Variants in RPA3 observed in about 807,000 individuals in gnomAD.
RPA3 encodes the protein replication protein A 14 kDa subunit.
In RPA3, 24 loss-of-function variants were observed where a neutral mutation model predicts 13.7. The ratio of observed to expected loss-of-function variants is 1.75; its 90% CI spans 1.27 to 2.46. The LOEUF (loss-of-function observed/expected upper bound fraction) is 2.46. Ranked by LOEUF, RPA3 falls within the 30% of genes most tolerant of loss-of-function variation. The probability of loss-of-function intolerance (pLI) is 0.00; values close to 1 mark genes in which losing one functional copy is unlikely to be tolerated. For synonymous variants in RPA3, 59 were observed against 51.2 expected (o/e 1.15, Z -0.65); for missense variants, 183 against 151.0 (o/e 1.21, Z -1.11).
chr7:7,659,467 C>G (rs1256696378), intron 4 of RPA3, among the ~76,000 whole-genome samples: 1 of 152,190 alleles, frequency 6.6e-6, no homozygotes, highest in Non-Finnish European at 1.5e-5. Context: ...CCTCTAAACA[C>G]TGCTTTAGAT....
At chr7:7,654,920 T>C (rs886608920) in intron 4 of RPA3, among the ~76,000 whole-genome samples, 3 of 151,076 alleles carry the variant, frequency 2.0e-5, no homozygotes, top group African/African-American at 7.3e-5. Flanking sequence ...AAAAAAAAAT[T>C]TGTGATATTT....
intron 2 of RPA3, among the ~76,000 whole-genome samples, chr7:7,688,505 C>T (rs953841787): frequency 2.0e-5 from 3 of 152,158 alleles, no homozygotes; most frequent in African/African-American, 7.2e-5. Context: ...TTTCCTCATG[C>T]AGAGTGCCCA....
chr7:7,677,282 A>T (rs1779764750), intron 4 of RPA3, among the ~76,000 whole-genome samples: 1 of 152,144 alleles, frequency 6.6e-6, no homozygotes, highest in Non-Finnish European at 1.5e-5. Flanking sequence ...TTATTTAAAA[A>T]TATACAATAA....
chr7:7,714,145 T>C (rs1425873282), intron 2 of RPA3, among the ~76,000 whole-genome samples: 3 of 152,276 alleles, frequency 2.0e-5, no homozygotes, highest in Non-Finnish European at 2.9e-5. Context: ...GTACAAATGA[T>C]AGAAATTCCT....
At chr7:7,705,663 G>A (rs947074022) in intron 2 of RPA3, among the ~76,000 whole-genome samples, 2 of 152,154 alleles carry the variant, frequency 1.3e-5, no homozygotes, top group African/African-American at 4.8e-5. Context: ...AGAACTGAAT[G>A]TTTTTAGGAT....
intron 4 of RPA3, among the ~76,000 whole-genome samples, chr7:7,665,553 T>C (rs1779422302): frequency 6.6e-6 from 1 of 152,230 alleles, no homozygotes; most frequent in Non-Finnish European, 1.5e-5. Context: ...CAGTAACACA[T>C]TGAAAATATA....
chr7:7,701,809 G>T (rs146129693), intron 2 of RPA3, among the ~76,000 whole-genome samples: 195 of 152,242 alleles, frequency 1.3e-3, no homozygotes, highest in African/African-American at 4.3e-3. Context: ...ATTTACCCAT[G>T]TCTCGGATGA....
Position 7,687,317 on chromosome 7 carries a change from CTG to C in RPA3, c.-1018_-1017del, listed in dbSNP as rs1350419542. On this transcript the variant is annotated 5_prime_UTR_variant, in exon 3 of 8. It introduces an in-frame stop codon into an upstream open reading frame of the 5' UTR. Coordinates refer to ENST00000223129, the MANE Select transcript of RPA3 (RefSeq NM_002947.5). Reference sequence around the variant, plus strand: ...TTGCAGGAGATGAAGCAAAAGGAAACTGTACACAGATCTGCACTGACAAAAGG... The same window carrying C: ...TTGCAGGAGATGAAGCAAAAGGAAACTACACAGATCTGCACTGACAAAAGG... 3 of 152,164 alleles carry C rather than the reference CTG, an allele frequency of 2.0e-5. No homozygotes were observed. Among genetic ancestry groups the C allele is most frequent in the Admixed American group, 1.3e-4 (2 of 15,292 alleles). 9.4% of individuals were successfully genotyped at this position (152,164 alleles called of 1,614,324 possible).
intron 4 of RPA3, among the ~76,000 whole-genome samples, chr7:7,672,017 T>C (rs1263217146): frequency 4.6e-5 from 7 of 152,200 alleles, no homozygotes. Flanking sequence ...TTGGGGTTCA[T>C]ATCCTTCTCT....
intron 4 of RPA3, among the ~76,000 whole-genome samples, chr7:7,683,908 C>A (rs1445178058): frequency 2.0e-5 from 3 of 152,202 alleles, no homozygotes; most frequent in Non-Finnish European, 2.9e-5. Context: ...TAGGCGTGAG[C>A]CACTGCTTCC....
At chr7:7,643,728 AACAAACGAAAAAAAAAG>A (rs1303682213) in intron 4 of RPA3, among the ~76,000 whole-genome samples, 3 of 5,516 alleles carry the variant, frequency 5.4e-4, no homozygotes, top group South Asian at 6.0e-3. Context: ...AAAAAAAACA[AACAAACGAAAAAAAAAG>A]GATCAACGGT....
chr7:7,661,820 C>T (rs1313634808), intron 4 of RPA3, among the ~76,000 whole-genome samples: 1 of 152,148 alleles, frequency 6.6e-6, no homozygotes, highest in Admixed American at 6.5e-5. Context: ...TGACCCTTAG[C>T]AGAGTTTGAA....
At chr7:7,673,488 A>C (rs976708491) in intron 4 of RPA3, 15 of 702,620 alleles carry the variant, frequency 2.1e-5, no homozygotes, top group African/African-American at 3.5e-5. Context: ...AATTAGATGA[A>C]TTATGTTCTC....
At chr7:7,711,102 A>G (rs1429577996) in intron 2 of RPA3, among the ~76,000 whole-genome samples, 2 of 152,196 alleles carry the variant, frequency 1.3e-5, no homozygotes, top group Non-Finnish European at 1.5e-5. Flanking sequence ...TCTGGTGGTT[A>G]TGGAGATGTT....
intron 4 of RPA3, among the ~76,000 whole-genome samples, chr7:7,680,574 A>G (rs1327459911): frequency 1.3e-5 from 2 of 152,102 alleles, no homozygotes; most frequent in African/African-American, 4.8e-5. Flanking sequence ...ATTTCTGTGA[A>G]GAATGTCTTT....
chr7:7,650,545 G>C (rs1785201383), intron 4 of RPA3, among the ~76,000 whole-genome samples: 1 of 152,164 alleles, frequency 6.6e-6, no homozygotes, highest in South Asian at 2.1e-4. Flanking sequence ...GGTAGTGATG[G>C]CTGCAGGACA....
intron 2 of RPA3, among the ~76,000 whole-genome samples, chr7:7,709,781 G>GTT (rs563873791): frequency 6.7e-6 from 1 of 148,532 alleles, no homozygotes; most frequent in African/African-American, 2.5e-5. Context: ...ACCTTTTAAA[G>GTT]TTTTTTTTTT....
intron 4 of RPA3, among the ~76,000 whole-genome samples, chr7:7,666,957 G>A (rs1373264878): frequency 2.0e-5 from 3 of 152,120 alleles, no homozygotes; most frequent in South Asian, 2.1e-4. Flanking sequence ...GCAGGCGTGC[G>A]CCACCACATC....
intron 4 of RPA3, among the ~76,000 whole-genome samples, chr7:7,656,058 C>T (rs973961337): frequency 6.6e-6 from 1 of 152,142 alleles, no homozygotes; most frequent in Non-Finnish European, 1.5e-5. Context: ...TGGTCTCAAA[C>T]TCTCAACCTC....
Sources: allele counts gnomAD v4.1 joint callset (sites outside exome capture counted in the v4.1 genomes callset), GRCh38; gene constraint gnomAD v4.1.1; transcripts MANE v1.5; gene names NCBI Gene and HGNC (gene_info 2026-07-23, HGNC 2026-07-21).